Variants in DLGAP2 observed in about 807,000 individuals in gnomAD.
The protein encoded by DLGAP2 is DLG associated protein 2, also known as disks large-associated protein 2.
DLGAP2 carries 26 observed loss-of-function variants against 100.3 expected under a neutral mutation model. The ratio of observed to expected loss-of-function variants is 0.26; its 90% CI spans 0.19 to 0.36. The LOEUF (loss-of-function observed/expected upper bound fraction) is 0.36. Among genes scored for constraint, DLGAP2 ranks in the 10% least tolerant of loss-of-function variants. The probability of loss-of-function intolerance (pLI) is 1.00; values close to 1 mark genes in which losing one functional copy is unlikely to be tolerated. For missense variants in DLGAP2, 1,858 were observed against 1,453.2 expected (o/e 1.28, Z -4.53); for synonymous variants, 886 against 630.1 (o/e 1.41, Z -6.08).
At chr8:788,243 T>G (rs1353018564) in intron 1 of DLGAP2, among the ~76,000 whole-genome samples, 1 of 152,268 alleles carries the variant, frequency 6.6e-6, no homozygotes, top group East Asian at 1.9e-4. Context: ...GTTGTTATTC[T>G]GTAGCCAAAT....
chr8:1,426,278 C>G (rs904061235), intron 3 of DLGAP2, among the ~76,000 whole-genome samples: 1 of 152,126 alleles, frequency 6.6e-6, no homozygotes, highest in Non-Finnish European at 1.5e-5. Context: ...AACGAGGAGA[C>G]TAAGGAATTT....
chr8:1,432,430 ACAGTCCTGT>A (rs1797478749), intron 3 of DLGAP2, among the ~76,000 whole-genome samples: 1 of 152,218 alleles, frequency 6.6e-6, no homozygotes, highest in Non-Finnish European at 1.5e-5. Context: ...CAAGGAAGCC[ACAGTCCTGT>A]CTAAATGTTT....
At chr8:1,420,233 G>C (rs1234140163) in intron 3 of DLGAP2, among the ~76,000 whole-genome samples, 1 of 152,130 alleles carries the variant, frequency 6.6e-6, no homozygotes, top group African/African-American at 2.4e-5. Flanking sequence ...CGTAAACTCA[G>C]GTGTGGTTGA....
intron 3 of DLGAP2, among the ~76,000 whole-genome samples, chr8:1,407,608 C>T (rs1251279671): frequency 1.2e-5 from 1 of 85,542 alleles, no homozygotes; most frequent in African/African-American, 4.4e-5. Flanking sequence ...ACCTCCTCAT[C>T]CTCCAGAGTC....
intron 2 of DLGAP2, among the ~76,000 whole-genome samples, chr8:1,120,688 C>G (rs1053439707): frequency 6.6e-6 from 1 of 151,734 alleles, no homozygotes; most frequent in Non-Finnish European, 1.5e-5. Flanking sequence ...TGATGCCTAT[C>G]CTGGTATCTT....
chr8:1,613,413 G>T, intron 6 of DLGAP2, among the ~76,000 whole-genome samples: 1 of 151,906 alleles, frequency 6.6e-6, no homozygotes, highest in Admixed American at 6.6e-5. Context: ...GAGCGGGGAG[G>T]GATAGAATTG....
At chr8:1,678,902 T>C (rs1292742120) in intron 12 of DLGAP2, 2 of 379,722 alleles carry the variant, frequency 5.3e-6, no homozygotes, top group Admixed American at 4.6e-5. Flanking sequence ...CTTGGGAGCA[T>C]AGTTGATCTC....
At chr8:1,579,078 G>T (rs1010644593) in intron 6 of DLGAP2, among the ~76,000 whole-genome samples, 10 of 152,154 alleles carry the variant, frequency 6.6e-5, no homozygotes, top group African/African-American at 2.4e-4. Context: ...ATTCAATTCT[G>T]ATTGTGATGA....
At chr8:1,670,387 C>T (rs980127279) in intron 10 of DLGAP2, among the ~76,000 whole-genome samples, 1 of 152,214 alleles carries the variant, frequency 6.6e-6, no homozygotes, top group East Asian at 1.9e-4. Context: ...GGCATGGCAG[C>T]CTCTGCTGAG....
At chr8:1,426,451 A>G (rs914012040) in intron 3 of DLGAP2, among the ~76,000 whole-genome samples, 1 of 152,182 alleles carries the variant, frequency 6.6e-6, no homozygotes, top group Non-Finnish European at 1.5e-5. Context: ...AGAGACTCCA[A>G]CAAGTTAGCA....
intron 2 of DLGAP2, among the ~76,000 whole-genome samples, chr8:956,027 G>C (rs1239522727): frequency 6.6e-6 from 1 of 152,174 alleles, no homozygotes; most frequent in Admixed American, 6.5e-5. Flanking sequence ...TCTTCAGAAA[G>C]ATGGGGTGAT....
chr8:800,718 A>AT (rs1304144294), intron 1 of DLGAP2, among the ~76,000 whole-genome samples: 2 of 151,906 alleles, frequency 1.3e-5, no homozygotes, highest in Non-Finnish European at 2.9e-5. Context: ...CTGTGTGTCC[A>AT]TGGGTGTTTG....
chr8:1,275,791 T>G (rs1223432033), intron 3 of DLGAP2, among the ~76,000 whole-genome samples: 3 of 126,334 alleles, frequency 2.4e-5, no homozygotes, highest in African/African-American at 6.0e-5. Flanking sequence ...AAATATATAA[T>G]ATATAAATAA....
At chr8:1,667,545 T>C (rs80080726) in intron 8 of DLGAP2, among the ~76,000 whole-genome samples, 1,911 of 152,326 alleles carry the variant, frequency 0.013, 23 homozygotes, top group Admixed American at 0.025. Flanking sequence ...TCTGCTATTA[T>C]ATATTTTCTC....
At chr8:1,691,244 T>A (rs1478702138) in intron 12 of DLGAP2, among the ~76,000 whole-genome samples, 1 of 152,202 alleles carries the variant, frequency 6.6e-6, no homozygotes, top group African/African-American at 2.4e-5. Flanking sequence ...ATAATCTCGA[T>A]GCCAAAATAA....
chr8:1,671,346 G>A (rs1388463857), intron 10 of DLGAP2, among the ~76,000 whole-genome samples: 2 of 152,236 alleles, frequency 1.3e-5, no homozygotes, highest in African/African-American at 4.8e-5. Context: ...GCATTCAATG[G>A]GACTGGCTTC....
At chr8:1,000,295 T>G (rs35985414) in intron 2 of DLGAP2, among the ~76,000 whole-genome samples, 1 of 133,498 alleles carries the variant, frequency 7.5e-6, no homozygotes, top group South Asian at 2.3e-4. Flanking sequence ...TGGGGGTGGT[T>G]TTCTTTTGCA....
chr8:1,356,409 A>C (rs13254541), intron 3 of DLGAP2, among the ~76,000 whole-genome samples: 4 of 152,068 alleles, frequency 2.6e-5, no homozygotes, highest in African/African-American at 9.7e-5. Context: ...AAATAAAACC[A>C]TGTGAAACCA....
chr8:792,106 A>T (rs1343263638), intron 1 of DLGAP2, among the ~76,000 whole-genome samples: 1 of 152,244 alleles, frequency 6.6e-6, no homozygotes, highest in Non-Finnish European at 1.5e-5. Flanking sequence ...ATGAAGAATG[A>T]TTATAATATG....
Sources: allele counts gnomAD v4.1 joint callset (sites outside exome capture counted in the v4.1 genomes callset), GRCh38; gene constraint gnomAD v4.1.1; transcripts MANE v1.5; gene names NCBI Gene and HGNC (gene_info 2026-07-23, HGNC 2026-07-21).